MARCHF6: variants seen among roughly 807,000 people sequenced by gnomAD.
MARCHF6 encodes E3 ubiquitin-protein ligase MARCHF6.
A neutral mutation model predicts 133.7 loss-of-function variants in MARCHF6; 31 were observed. The ratio of observed to expected loss-of-function variants is 0.23; its 90% CI spans 0.17 to 0.31. The LOEUF (loss-of-function observed/expected upper bound fraction) is 0.31, where lower values mean the gene tolerates loss of function less well. MARCHF6 is among the 10% of genes least tolerant of loss of function. MARCHF6 has a pLI of 1.00. For synonymous variants in MARCHF6, 395 were observed against 402.5 expected, an observed-to-expected ratio of 0.98 and a Z score of 0.22; for missense variants, 723 against 1,121.6, an observed-to-expected ratio of 0.64 and a Z score of 5.08.
intron 5 of MARCHF6, among the ~76,000 whole-genome samples, chr5:10,388,449 A>G (rs1211312720): frequency 6.6e-6 from 1 of 152,156 alleles, no homozygotes; most frequent in Non-Finnish European, 1.5e-5. Flanking sequence ...GTCTAGGTGC[A>G]CTGTATCAGT....
chr5:10,368,036 C>T (rs926934494), intron 1 of MARCHF6, among the ~76,000 whole-genome samples: 4 of 152,102 alleles, frequency 2.6e-5, no homozygotes, highest in African/African-American at 9.7e-5. Flanking sequence ...GGGGGGGAGC[C>T]TCAATCTGCC....
rs981561665 is a variant in MARCHF6 at position 10,360,588 on chromosome 5, G to T, written c.19+6671G>T. Reference sequence around the variant, plus strand: ...GCATCTGTGGATTTTGGCACCTGTGGACTTCCTGAAACCAATCCCCCAGGG... The same window carrying T: ...GCATCTGTGGATTTTGGCACCTGTGTACTTCCTGAAACCAATCCCCCAGGG... On this transcript the variant is annotated intron_variant, in intron 1 of 25. Transcript: ENST00000274140. Among the ~76,000 whole-genome samples, 7 of 152,150 alleles carry T rather than the reference G, an allele frequency of 4.6e-5. No individual in the cohort carries two copies. The East Asian group carries it at 9.6e-4, about 21-fold the overall frequency.
intron 9 of MARCHF6, among the ~76,000 whole-genome samples, chr5:10,395,435 G>A (rs968708282): frequency 6.6e-6 from 1 of 152,096 alleles, no homozygotes; most frequent in Non-Finnish European, 1.5e-5. Context: ...AGACACCCCA[G>A]GCTGATGTTA....
At chr5:10,396,592 G>A (rs940862369) in intron 9 of MARCHF6, among the ~76,000 whole-genome samples, 2 of 152,148 alleles carry the variant, frequency 1.3e-5, no homozygotes, top group Non-Finnish European at 2.9e-5. Flanking sequence ...TAACTTGATG[G>A]TTGCGGGGAA....
intron 1 of MARCHF6, among the ~76,000 whole-genome samples, chr5:10,371,015 A>G (rs1736433782): frequency 6.6e-6 from 1 of 152,202 alleles, no homozygotes. Flanking sequence ...AAGAAGCATG[A>G]TAAGGTCAAA....
In MARCHF6 at chr5:10,377,856, T is replaced by C; in HGVS notation, c.78T>C (p.Cys26=). ...CTGAGAAACCGCTTTATCATCCTTG[T>C]GTATGTACTGGCAGTATTAAGTTTA... The part of the protein sequence containing the change: ...GTPEKPLYHP[C]VCTGSIKFIH... The change falls in exon 2 of 26, where the codon TGT becomes TGC. Residue 26 remains cysteine (C), a synonymous_variant. Transcript: ENST00000274140. The C allele has an allele frequency of 6.2e-7, 1 of 1,613,360 alleles. No homozygotes were observed. The highest frequency in any genetic ancestry group is 8.5e-7 in the Non-Finnish European group (1 of 1,179,370).
At chr5:10,419,800 C>T (rs897341878) in intron 22 of MARCHF6, among the ~76,000 whole-genome samples, 38 of 152,122 alleles carry the variant, frequency 2.5e-4, no homozygotes, top group African/African-American at 7.2e-4. Context: ...CAAGTTATCC[C>T]GCAACTTTGC....
intron 10 of MARCHF6, among the ~76,000 whole-genome samples, chr5:10,398,140 A>G (rs1015930542): frequency 6.6e-6 from 1 of 152,172 alleles, no homozygotes; most frequent in Non-Finnish European, 1.5e-5. Flanking sequence ...GGGATAATCT[A>G]TGAGAAATTC....
At chr5:10,403,636 C>G (rs1738686976) in intron 15 of MARCHF6, 95 bp downstream of exon 15, 6 of 1,127,274 alleles carry the variant, frequency 5.3e-6, no homozygotes, top group Non-Finnish European at 7.4e-6. Context: ...TGATTTCCTA[C>G]CTAAATCATA....
At chr5:10,431,565 G>C (rs948879615) in intron 25 of MARCHF6, among the ~76,000 whole-genome samples, 1 of 152,062 alleles carries the variant, frequency 6.6e-6, no homozygotes, top group African/African-American at 2.4e-5. Flanking sequence ...TGTCTTGTCA[G>C]CTGTTGTATA....
rs1738597586 is a variant in MARCHF6, at chr5:10,402,411, A to T, written c.1081A>T (p.Arg361Ter). Residue 361 changes from arginine to a stop codon, truncating the protein, a stop_gained, in exon 13 of 26, where the codon AGA becomes TGA. Transcript: ENST00000274140. LOFTEE classifies it high-confidence loss of function. Reference sequence around the variant, plus strand: ...CTTGGCAACTCTTGTGAAATTTCATAGATCTCGTCGCTTACTGGGAGTCTG... The same window carrying T: ...CTTGGCAACTCTTGTGAAATTTCATTGATCTCGTCGCTTACTGGGAGTCTG... The part of the protein sequence containing the change: ...HGLATLVKFH[R>*]SRRLLGVCYI... The T allele has an allele frequency of 6.2e-7, 1 of 1,613,872 alleles. No individual in the cohort carries two copies.
chr5:10,402,244 G>T, intron 12 of MARCHF6, 105 bp downstream of exon 12: 5 of 1,089,980 alleles, frequency 4.6e-6, no homozygotes, highest in Non-Finnish European at 6.9e-6. Flanking sequence ...AGTAAAAGTT[G>T]TAGGTATTTG....
chr5:10,409,976 T>G (rs1739124543), intron 17 of MARCHF6, among the ~76,000 whole-genome samples, 163 bp from the exon 18 acceptor site: 1 of 152,176 alleles, frequency 6.6e-6, no homozygotes, highest in African/African-American at 2.4e-5. Context: ...AGAAACAATT[T>G]GGTGGAGTTT....
intron 1 of MARCHF6, among the ~76,000 whole-genome samples, chr5:10,355,717 C>T (rs538077606): frequency 6.6e-6 from 1 of 152,280 alleles, no homozygotes; most frequent in East Asian, 1.9e-4. Context: ...AGGTAGTCGG[C>T]ATTTTCATTT....
intron 1 of MARCHF6, among the ~76,000 whole-genome samples, chr5:10,370,050 A>AT (rs1397348725): frequency 2.5e-5 from 2 of 81,620 alleles, no homozygotes; most frequent in African/African-American, 4.9e-5. Context: ...TTTTATTTTC[A>AT]TTTTTTTGCC....
At chr5:10,416,424 A>G (rs1262955841) in intron 21 of MARCHF6, among the ~76,000 whole-genome samples, 2 of 152,258 alleles carry the variant, frequency 1.3e-5, no homozygotes, top group South Asian at 2.1e-4. Context: ...GAGATTCATT[A>G]TATATTATGG....
At chr5:10,431,093 A>C (rs1235478174) in intron 25 of MARCHF6, among the ~76,000 whole-genome samples, 5 of 152,130 alleles carry the variant, frequency 3.3e-5, no homozygotes, top group Admixed American at 6.5e-5. Flanking sequence ...CAAATTATAG[A>C]GTTACCTTAT....
intron 1 of MARCHF6, among the ~76,000 whole-genome samples, chr5:10,366,940 C>A (rs1427572352): frequency 6.6e-6 from 1 of 152,126 alleles, no homozygotes; most frequent in Non-Finnish European, 1.5e-5. Flanking sequence ...TGATCACGAC[C>A]CTCAGTCTTT....
intron 4 of MARCHF6, among the ~76,000 whole-genome samples, chr5:10,382,904 T>C (rs1156757626): frequency 2.0e-5 from 3 of 152,150 alleles, no homozygotes; most frequent in African/African-American, 4.8e-5. Context: ...CTTTCAGATA[T>C]AGGAGGCTCT....
Sources: allele counts gnomAD v4.1 joint callset (sites outside exome capture counted in the v4.1 genomes callset), GRCh38; gene constraint gnomAD v4.1.1; transcripts MANE v1.5; gene names NCBI Gene and HGNC (gene_info 2026-07-23, HGNC 2026-07-21).